The following SHISA9 variants were observed in gnomAD, a reference collection of about 807,000 sequenced individuals.
SHISA9 encodes protein shisa-9.
In SHISA9, 13 loss-of-function variants were observed where a neutral mutation model predicts 38.0. The observed-to-expected ratio is 0.34, with a 90% CI of 0.22 to 0.54. The LOEUF (loss-of-function observed/expected upper bound fraction) is 0.54. SHISA9 is among the 20% of genes least tolerant of loss of function. SHISA9 has a pLI of 0.91. For missense variants in SHISA9, 538 were observed against 575.8 expected, an observed-to-expected ratio of 0.93 and a Z score of 0.67; for synonymous variants, 275 against 242.0, an observed-to-expected ratio of 1.14 and a Z score of -1.27.
At chr16:13,469,435 G>GAAAA in the SHISA9 span, among the ~76,000 whole-genome samples, 134 of 124,470 alleles carry the variant, frequency 1.1e-3, 3 homozygotes, top group African/African-American at 3.9e-3. Context: ...AAGAAAGAAA[G>GAAAA]AGAAAGAAAG....
the SHISA9 span, among the ~76,000 whole-genome samples, chr16:13,252,674 C>T: frequency 6.6e-6 from 1 of 152,156 alleles, no homozygotes; most frequent in Admixed American, 6.6e-5. Flanking sequence ...TGCATTCAGC[C>T]ATTTCTACCA....
At chr16:13,037,099 C>CACAGACAG (rs1567190790) in intron 2 of SHISA9, among the ~76,000 whole-genome samples, 27 of 71,814 alleles carry the variant, frequency 3.8e-4, no homozygotes, top group Middle Eastern at 8.6e-3. Context: ...CACACACACA[C>CACAGACAG]ACACACACAG....
intron 2 of SHISA9, among the ~76,000 whole-genome samples, chr16:13,130,819 C>T (rs371404622): frequency 1.4e-4 from 22 of 152,312 alleles, no homozygotes; most frequent in African/African-American, 5.3e-4. Flanking sequence ...CATGTTCCAA[C>T]AAGACTTTAT....
At chr16:13,070,123 C>CGTGT (rs55824636) in intron 2 of SHISA9, among the ~76,000 whole-genome samples, 201 of 145,808 alleles carry the variant, frequency 1.4e-3, no homozygotes, top group Middle Eastern at 0.01. Flanking sequence ...CTTTAAAGTA[C>CGTGT]GTGTGTGTGT....
intron 2 of SHISA9, among the ~76,000 whole-genome samples, chr16:13,170,964 A>G (rs1277804086): frequency 1.3e-5 from 2 of 152,092 alleles, no homozygotes; most frequent in African/African-American, 2.4e-5. Flanking sequence ...GCCTAAAATA[A>G]AAGTTGAAGG....
At chr16:13,491,737 G>A in the SHISA9 span, among the ~76,000 whole-genome samples, 414 of 141,190 alleles carry the variant, frequency 2.9e-3, 3 homozygotes, top group Non-Finnish European at 2.4e-3. Flanking sequence ...AGATCCACCC[G>A]CCTCGACCTC....
chr16:13,332,507 G>A, the SHISA9 span: 2 of 152,188 alleles, frequency 1.3e-5, no homozygotes, highest in African/African-American at 4.8e-5. Context: ...GGCTAGAGGA[G>A]GCCCCATCCT....
the SHISA9 span, among the ~76,000 whole-genome samples, chr16:13,528,266 C>T: frequency 6.6e-6 from 1 of 152,058 alleles, no homozygotes; most frequent in East Asian, 1.9e-4. Flanking sequence ...GAAGAGGAGA[C>T]ATAACATCAT....
chr16:13,041,005 A>C (rs1170725626), intron 2 of SHISA9, among the ~76,000 whole-genome samples: 1 of 152,166 alleles, frequency 6.6e-6, no homozygotes, highest in Admixed American at 6.5e-5. Context: ...CCTGCAGTAG[A>C]CACAAAGCCC....
At chr16:13,099,686 G>A (rs1446730042) in intron 2 of SHISA9, among the ~76,000 whole-genome samples, 1 of 152,182 alleles carries the variant, frequency 6.6e-6, no homozygotes. Flanking sequence ...GCGGGGACGG[G>A]GTTGGTGGGG....
chr16:13,544,804 G>T, the SHISA9 span, among the ~76,000 whole-genome samples: 2 of 152,068 alleles, frequency 1.3e-5, no homozygotes, highest in Non-Finnish European at 2.9e-5. Flanking sequence ...TTCGCTGGGC[G>T]TGGTGGGGCG....
intron 2 of SHISA9, among the ~76,000 whole-genome samples, chr16:13,188,547 G>A (rs949651099): frequency 3.3e-5 from 5 of 151,834 alleles, no homozygotes; most frequent in East Asian, 1.9e-4. Flanking sequence ...GCAAGACCCC[G>A]TCTCTACAAA....
At chr16:13,015,894 C>CTTTCTT (rs1555454832) in intron 2 of SHISA9, among the ~76,000 whole-genome samples, 43 of 126,312 alleles carry the variant, frequency 3.4e-4, no homozygotes, top group African/African-American at 1.3e-3. Flanking sequence ...TTCTTTCTTT[C>CTTTCTT]TTTCTTTCTT....
Position 12,929,117 on chromosome 16 carries a change from A to G in SHISA9, c.691+12302A>G, listed in dbSNP as rs144862949. Among the ~76,000 whole-genome samples, 294 of 152,354 alleles carry G rather than the reference A, an allele frequency of 1.9e-3. 3 individuals are homozygous for G. The highest frequency in any genetic ancestry group is 6.8e-3 in the African/African-American group (281 of 41,596). On this transcript the variant is annotated intron_variant, in intron 2 of 4. Transcript: ENST00000558583. ...CCATCTCATGTCAGTCAGGATGGCTATTATTAAAAAGTCAAAGAATAACAG... is the reference window on the plus strand; with the variant it reads ...CCATCTCATGTCAGTCAGGATGGCTGTTATTAAAAAGTCAAAGAATAACAG...
chr16:13,229,803 A>G (rs1225575686), intron 4 of SHISA9, among the ~76,000 whole-genome samples: 1 of 152,204 alleles, frequency 6.6e-6, no homozygotes, highest in Non-Finnish European at 1.5e-5. Context: ...GTGGCTGAGA[A>G]AGTCTGAGGG....
chr16:13,516,731 G>A, the SHISA9 span, among the ~76,000 whole-genome samples: 2 of 151,238 alleles, frequency 1.3e-5, no homozygotes, highest in South Asian at 2.1e-4. Flanking sequence ...ACCCGAGGCA[G>A]AGTTTGCAGT....
chr16:13,499,287 A>G, the SHISA9 span, among the ~76,000 whole-genome samples: 120 of 152,284 alleles, frequency 7.9e-4, no homozygotes, highest in East Asian at 0.012. Flanking sequence ...AAAATAGGAA[A>G]ATGACGTAGT....
At chr16:13,451,986 C>G in the SHISA9 span, among the ~76,000 whole-genome samples, 2 of 152,140 alleles carry the variant, frequency 1.3e-5, no homozygotes, top group African/African-American at 4.8e-5. Flanking sequence ...AGAAGTATGT[C>G]AGGAGATGCT....
the SHISA9 span, among the ~76,000 whole-genome samples, chr16:13,284,903 T>C: frequency 2.6e-5 from 4 of 152,168 alleles, no homozygotes; most frequent in African/African-American, 4.8e-5. Context: ...CCAGTCTTTT[T>C]TATTCTCTTT....
Sources: gnomAD v4.1 joint callset for allele counts (sites outside exome capture counted in the v4.1 genomes callset) on GRCh38, gnomAD v4.1.1 for gene constraint, MANE v1.5 for transcripts, NCBI Gene and HGNC (gene_info 2026-07-23, HGNC 2026-07-21) for gene names.